Variants in MEIOB observed in about 807,000 individuals in gnomAD.
MEIOB encodes meiosis-specific with OB domain-containing protein.
Under a neutral mutation model 53.1 loss-of-function variants are expected in MEIOB, and 50 were observed. That is an observed-to-expected ratio of 0.94 (90% CI 0.75 to 1.19). The LOEUF is 1.19. MEIOB is among the 50% of genes most tolerant of loss of function. The pLI is 0.00. For synonymous variants in MEIOB, 192 were observed against 182.5 expected (o/e 1.05, Z -0.42); for missense variants, 551 against 550.8 (o/e 1.00, Z 0.00).
chr16:1,847,134 G>A (rs947241695), intron 9 of MEIOB, among the ~76,000 whole-genome samples: 82 of 152,150 alleles, frequency 5.4e-4, no homozygotes, highest in African/African-American at 1.6e-3. Context: ...CAGCCTGGGC[G>A]ACATAGCAAG....
chr16:1,845,082 A>G (rs1898998258), intron 9 of MEIOB, 119 bp from the exon 10 acceptor site: 1 of 571,728 alleles, frequency 1.7e-6, no homozygotes, highest in South Asian at 2.2e-5. Context: ...ACAATCAAAT[A>G]GAATATTACG....
chr16:1,863,620 G>A (rs34843123), intron 3 of MEIOB, among the ~76,000 whole-genome samples: 2,557 of 151,680 alleles, frequency 0.017, 54 homozygotes, highest in South Asian at 0.02. Flanking sequence ...TCCTGACCTC[G>A]TGATCTGCCT....
rs1173098559 is a variant in MEIOB, at chr16:1,871,382, G to T, written c.-10+611C>A. Among the ~76,000 whole-genome samples the T allele has an allele frequency of 2.0e-5, 2 of 98,866 alleles. 1 individual carries two copies. The highest frequency in any genetic ancestry group is 4.4e-5 in the Non-Finnish European group (2 of 45,506). 64.9% of individuals were successfully genotyped at this position (98,866 alleles called of 152,430 possible). Reference sequence around the variant, plus strand: ...CTACAGGCACTCGCCGCCACGCCTGGCTAATTTTTTGTATTTTTAGTAGAG... The same window carrying T: ...CTACAGGCACTCGCCGCCACGCCTGTCTAATTTTTTGTATTTTTAGTAGAG... On this transcript the variant is annotated intron_variant, in intron 1 of 13. Transcript: ENST00000325962.
chr16:1,838,049 T>C, intron 12 of MEIOB, 179 bp from the exon 13 acceptor site: 2 of 1,204,602 alleles, frequency 1.7e-6, no homozygotes, highest in Non-Finnish European at 2.3e-6. Flanking sequence ...CAAGCTGGAG[T>C]GCAGCAGTGC....
intron 9 of MEIOB, among the ~76,000 whole-genome samples, chr16:1,849,368 C>A (rs1053837312): frequency 2.0e-5 from 3 of 152,000 alleles, no homozygotes; most frequent in Non-Finnish European, 4.4e-5. Context: ...CATGGTGAAA[C>A]CCCGTCTCTA....
intron 9 of MEIOB, among the ~76,000 whole-genome samples, chr16:1,851,843 G>A (rs1625279): frequency 0.83 from 125,899 of 152,202 alleles, 52,205 homozygotes; most frequent in Middle Eastern, 0.9. Context: ...ACTACATACT[G>A]TACTCATAGC....
chr16:1,870,922 T>A (rs375263304), intron 1 of MEIOB, among the ~76,000 whole-genome samples: 1 of 152,240 alleles, frequency 6.6e-6, no homozygotes, highest in South Asian at 2.1e-4. Context: ...TTTGACTCAG[T>A]GGCTGAATAT....
chr16:1,841,969 A>G lies in MEIOB; in HGVS notation c.885T>C (p.Ser295=), dbSNP rs757555710. The change falls in exon 11 of 14, where the codon AGT becomes AGC. Residue 295 remains serine, a synonymous_variant. Coordinates refer to ENST00000325962, the MANE Select transcript of MEIOB (RefSeq NM_001163560.3). ...CAACTGTGTAGACATCAACTATTGTACTTACTAAAAACAGAAAGAAGTATT... is the reference window on the plus strand; with the variant it reads ...CAACTGTGTAGACATCAACTATTGTGCTTACTAAAAACAGAAAGAAGTATT... The part of the protein sequence containing the change: ...DSYFKESINL[S]TIVDVYTVEQ... 2 of 1,558,008 alleles carry G rather than the reference A, an allele frequency of 1.3e-6. No homozygotes were observed. Among genetic ancestry groups the G allele is most frequent in the Middle Eastern group, 1.9e-4 (1 of 5,270 alleles).
At chr16:1,852,555 C>T (rs1167914765) in intron 9 of MEIOB, among the ~76,000 whole-genome samples, 1 of 151,070 alleles carries the variant, frequency 6.6e-6, no homozygotes, top group African/African-American at 2.4e-5. Flanking sequence ...GCCACCGCGC[C>T]AGCCTTGTTT....
intron 4 of MEIOB, among the ~76,000 whole-genome samples, chr16:1,861,212 G>C (rs1304012946): frequency 1.3e-5 from 2 of 152,146 alleles, no homozygotes; most frequent in Non-Finnish European, 2.9e-5. Flanking sequence ...TACTATATGA[G>C]GCTGTTCTGT....
intron 3 of MEIOB, 145 bp from the exon 4 acceptor site, chr16:1,862,261 A>T (rs987738254): frequency 3.1e-6 from 2 of 646,320 alleles, no homozygotes; most frequent in African/African-American, 3.7e-5. Flanking sequence ...TTATGATAAT[A>T]AAAATACTCA....
chr16:1,845,725 TAA>T (rs1899012367), intron 9 of MEIOB, among the ~76,000 whole-genome samples: 2 of 152,164 alleles, frequency 1.3e-5, no homozygotes, highest in South Asian at 4.1e-4. Flanking sequence ...ATAGGCTCTA[TAA>T]AAAGCCTAGC....
intron 9 of MEIOB, among the ~76,000 whole-genome samples, chr16:1,848,835 C>T (rs567454837): frequency 6.6e-6 from 1 of 152,006 alleles, no homozygotes; most frequent in Non-Finnish European, 1.5e-5. Flanking sequence ...TGAGCCACTG[C>T]GCCTGGCCGG....
At position 1,834,421 on chromosome 16, in the gene MEIOB, A is replaced by T. The variant is rs369389214; in HGVS notation, c.1306-55T>A. On this transcript the variant is annotated intron_variant, in intron 13 of 13. Transcript: ENST00000325962. ...AGGTTAATTTTTAAAATCCCCTTGT[A>T]TATCAAGTTGAAAAATCAATGATCA... The T allele has an allele frequency of 4.7e-5, 44 of 944,982 alleles. 1 individual carries two copies. In the East Asian group the frequency reaches 5.3e-4, roughly 11 times the overall value. The allele number at this position is 944,982 out of a possible 1,614,324, so 58.5% of individuals were successfully genotyped here. A position where few individuals can be genotyped will look rare whatever the true frequency, so the allele number is the denominator to read the frequency against.
intron 12 of MEIOB, 52 bp downstream of exon 12, chr16:1,839,203 A>G: frequency 6.7e-7 from 1 of 1,482,322 alleles, no homozygotes; most frequent in South Asian, 1.4e-5. Context: ...TTTTTGGGAA[A>G]AAGCATTCAC....
intron 4 of MEIOB, 133 bp downstream of exon 4, chr16:1,861,852 C>G: frequency 2.1e-6 from 2 of 959,074 alleles, no homozygotes; most frequent in Admixed American, 5.5e-5. Context: ...ACTCTTAACA[C>G]TTGACTTTTT....
rs373682180 is a variant in MEIOB at position 1,853,063 on chromosome 16, T to C, written c.754A>G (p.Lys252Glu). The stretch of plus-strand genomic sequence containing the variant: ...CCTGGATTAGTTGTAATAATGGTTT[T>C]TGAGATTACAGTTGCTGTCATGCAG... ...RNCMTATVIS[K>E]TIITTNPDIP... The change falls in exon 9 of 14, where the codon AAA (lysine) becomes GAA (glutamate). Residue 252 changes from lysine (K) to glutamate (E), a missense_variant. By Grantham distance (56) the Lys-to-Glu change is moderately conservative. Coordinates refer to ENST00000325962, the MANE Select transcript of MEIOB (RefSeq NM_001163560.3). The C allele has an allele frequency of 1.7e-5, 27 of 1,612,154 alleles. No individual in the cohort carries two copies. The highest frequency in any genetic ancestry group is 2.0e-5 in the Non-Finnish European group (23 of 1,178,432).
At chr16:1,858,606 A>G (rs1036206905) in intron 5 of MEIOB, among the ~76,000 whole-genome samples, 2 of 152,166 alleles carry the variant, frequency 1.3e-5, no homozygotes, top group African/African-American at 2.4e-5. Context: ...ACAAATATGA[A>G]AATATTATTT....
chr16:1,862,156 T>C (rs781185802), intron 3 of MEIOB, 40 bp from the exon 4 acceptor site: 6 of 1,501,646 alleles, frequency 4.0e-6, no homozygotes, highest in Middle Eastern at 1.7e-4. Context: ...AAATGAAGAG[T>C]TTCAATCGCT....
Sources: gnomAD v4.1 joint callset for allele counts (sites outside exome capture counted in the v4.1 genomes callset) on GRCh38, gnomAD v4.1.1 for gene constraint, MANE v1.5 for transcripts, NCBI Gene and HGNC (gene_info 2026-07-23, HGNC 2026-07-21) for gene names.